KIF26B: variants seen among roughly 807,000 people sequenced by gnomAD.
KIF26B encodes the protein kinesin-like protein KIF26B.
A neutral mutation model predicts 151.2 loss-of-function variants in KIF26B; 63 were observed. The ratio of observed to expected loss-of-function variants is 0.42; its 90% confidence interval spans 0.34 to 0.51. The LOEUF (loss-of-function observed/expected upper bound fraction) is 0.51. Among genes scored for constraint, KIF26B ranks in the 20% least tolerant of loss-of-function variants. The pLI is 0.07. For missense variants in KIF26B, 2,813 were observed against 2,913.6 expected (o/e 0.97, Z 0.79); for synonymous variants, 1,357 against 1,262.1 (o/e 1.08, Z -1.59).
rs1247665570 is a variant in KIF26B, at chr1:245,419,587, G to A, written c.1008G>A (p.Gln336=). The change falls in exon 4 of 15, where the codon CAG becomes CAA. Residue 336 remains glutamine (Q), a synonymous_variant. Coordinates refer to ENST00000407071, the MANE Select transcript of KIF26B (RefSeq NM_018012.4). The part of the protein sequence containing the change: ...GVTLYPYQIS[Q]LMTESSREGL... Reference sequence around the variant, plus strand: ...TCCATTTTCTTTGTCAGATCTCCCAGCTGATGACAGAGAGTAGCCGGGAGG... The same window carrying A: ...TCCATTTTCTTTGTCAGATCTCCCAACTGATGACAGAGAGTAGCCGGGAGG... 3 of 1,609,752 alleles carry A rather than the reference G, an allele frequency of 1.9e-6. No homozygotes were observed. The highest frequency in any genetic ancestry group is 1.3e-5 in the African/African-American group (1 of 74,914).
intron 8 of KIF26B, among the ~76,000 whole-genome samples, chr1:245,610,547 G>A (rs1446644279): frequency 6.6e-6 from 1 of 152,010 alleles, no homozygotes; most frequent in East Asian, 1.9e-4. Context: ...AATGTGCAGA[G>A]ACAGTATCTA....
At chr1:245,327,389 G>T (rs6677662) in intron 2 of KIF26B, among the ~76,000 whole-genome samples, 3 of 152,086 alleles carry the variant, frequency 2.0e-5, no homozygotes, top group African/African-American at 4.8e-5. Context: ...GACCTTACTT[G>T]TTCCATCTGG....
At chr1:245,685,312 C>A (rs60851307) in intron 11 of KIF26B, 93 bp from the exon 12 acceptor site, 1 of 1,081,674 alleles carries the variant, frequency 9.2e-7, no homozygotes, top group Non-Finnish European at 1.3e-6. Flanking sequence ...TAGCCTGTGT[C>A]GTCAGGGGCC....
intron 3 of KIF26B, among the ~76,000 whole-genome samples, chr1:245,414,145 G>A (rs1414904939): frequency 2.0e-5 from 3 of 152,246 alleles, no homozygotes; most frequent in Non-Finnish European, 4.4e-5. Context: ...CCCACACCCA[G>A]TGGAGTTAGC....
intron 4 of KIF26B, among the ~76,000 whole-genome samples, chr1:245,480,795 A>G (rs12078296): frequency 0.03 from 4,295 of 143,066 alleles, 185 homozygotes; most frequent in African/African-American, 0.098. Context: ...AAAAAAAAAA[A>G]AGAGAGAGAG....
At chr1:245,554,992 G>T (rs1235000914) in intron 5 of KIF26B, among the ~76,000 whole-genome samples, 2 of 152,198 alleles carry the variant, frequency 1.3e-5, no homozygotes, top group Non-Finnish European at 2.9e-5. Context: ...TTTGCTCAAG[G>T]TCGTATAGAA....
intron 2 of KIF26B, among the ~76,000 whole-genome samples, chr1:245,172,388 A>G (rs1351658775): frequency 2.0e-5 from 3 of 152,268 alleles, no homozygotes; most frequent in Non-Finnish European, 2.9e-5. Context: ...AGAAGGGGTG[A>G]TGATGGAGAG....
At chr1:245,309,126 G>C (rs947744021) in intron 2 of KIF26B, among the ~76,000 whole-genome samples, 9 of 152,172 alleles carry the variant, frequency 5.9e-5, no homozygotes, top group Non-Finnish European at 8.8e-5. Context: ...GTGTGTGCAG[G>C]GAGCATAGCT....
At chr1:245,658,953 C>T (rs2044103477) in intron 10 of KIF26B, among the ~76,000 whole-genome samples, 1 of 152,050 alleles carries the variant, frequency 6.6e-6, no homozygotes, top group African/African-American at 2.4e-5. Flanking sequence ...TGATAGAGGG[C>T]ACATGCAGTG....
At chr1:245,491,399 C>G (rs935446987) in intron 4 of KIF26B, among the ~76,000 whole-genome samples, 1 of 152,176 alleles carries the variant, frequency 6.6e-6, no homozygotes, top group Non-Finnish European at 1.5e-5. Context: ...GTTTTCCTTG[C>G]CTGGGATGTT....
intron 4 of KIF26B, among the ~76,000 whole-genome samples, chr1:245,463,156 C>T (rs1659689451): frequency 6.6e-6 from 1 of 152,152 alleles, no homozygotes; most frequent in Admixed American, 6.5e-5. Context: ...ATTTGTGTGC[C>T]AGTACAGGTA....
chr1:245,161,023 T>C (rs1241450398), intron 2 of KIF26B, among the ~76,000 whole-genome samples: 1 of 152,220 alleles, frequency 6.6e-6, no homozygotes, highest in Non-Finnish European at 1.5e-5. Context: ...CGAGTACTTA[T>C]TAATTATAAG....
chr1:245,241,367 A>G lies in KIF26B; in HGVS notation c.465+84684A>G, dbSNP rs1035483001. ...GAGGCAGCTGGATCGGCTTCTCCAG[A>G]GCCTGCTGGCTGGAGGTTGGCTGTC... On this transcript the variant is annotated intron_variant, in intron 2 of 14. Transcript: ENST00000407071. The surrounding 1 kb of genome is among the most constrained non-coding windows in gnomAD (Gnocchi z 5.0). Among the ~76,000 whole-genome samples the G allele has an allele frequency of 6.6e-6, 1 of 152,244 alleles. No individual in the cohort carries two copies. The highest frequency in any genetic ancestry group is 2.4e-5 in the African/African-American group (1 of 41,538).
chr1:245,682,268 A>C (rs918152505), intron 10 of KIF26B, among the ~76,000 whole-genome samples: 7 of 152,230 alleles, frequency 4.6e-5, no homozygotes, highest in African/African-American at 1.7e-4. Flanking sequence ...AGAAAAAAAA[A>C]GTCATCGAAA....
intron 5 of KIF26B, among the ~76,000 whole-genome samples, chr1:245,583,468 C>G (rs914065151): frequency 1.3e-5 from 2 of 152,222 alleles, no homozygotes; most frequent in Non-Finnish European, 2.9e-5. Flanking sequence ...CATCAGTTCC[C>G]CACCCAGATA....
Position 245,244,555 on chromosome 1 carries a change from A to T in KIF26B, c.465+87872A>T, listed in dbSNP as rs1015276946. On this transcript the variant is annotated intron_variant, in intron 2 of 14. Transcript: ENST00000407071. This position sits in a 1 kb window ranked among gnomAD's most constrained non-coding sequence, Gnocchi z 4.2. Reference sequence around the variant, plus strand: ...TCGAGTTCTAGAGGGAGCCAGGCCCAGAAAATGAGGGGGACATTTACGTCA... The same window carrying T: ...TCGAGTTCTAGAGGGAGCCAGGCCCTGAAAATGAGGGGGACATTTACGTCA... Among the ~76,000 whole-genome samples the T allele has an allele frequency of 1.3e-5, 2 of 152,146 alleles. No individual in the cohort carries two copies. Among genetic ancestry groups the T allele is most frequent in the African/African-American group, 4.8e-5 (2 of 41,430 alleles).
intron 12 of KIF26B, among the ~76,000 whole-genome samples, chr1:245,692,346 G>A (rs1039916938): frequency 6.6e-6 from 1 of 152,190 alleles, no homozygotes; most frequent in Non-Finnish European, 1.5e-5. Context: ...CAGATGCTGA[G>A]TGGGGTAGTG....
chr1:245,436,136 C>T (rs1658925331), intron 4 of KIF26B, among the ~76,000 whole-genome samples: 3 of 150,482 alleles, frequency 2.0e-5, no homozygotes, highest in South Asian at 4.2e-4. Context: ...GAGATTGCGT[C>T]ACTGCACTCC....
chr1:245,674,480 A>G (rs1456766591), intron 10 of KIF26B, among the ~76,000 whole-genome samples: 2 of 152,184 alleles, frequency 1.3e-5, no homozygotes, highest in Non-Finnish European at 2.9e-5. Flanking sequence ...CTTATTACCG[A>G]ATCTTTCAGC....
Sources: gnomAD v4.1 joint callset for allele counts (sites outside exome capture counted in the v4.1 genomes callset) on GRCh38, gnomAD v4.1.1 for gene constraint, Gnocchi (gnomAD v3.1) non-coding constraint, MANE v1.5 for transcripts, NCBI Gene and HGNC (gene_info 2026-07-23, HGNC 2026-07-21) for gene names.